Variants in UBAC2 observed in about 807,000 individuals in gnomAD.
UBAC2 encodes UBA domain containing 2, also known as ubiquitin-associated domain-containing protein 2.
Under a neutral mutation model 44.0 loss-of-function variants are expected in UBAC2, and 26 were observed. The ratio of observed to expected loss-of-function variants is 0.59; its 90% CI spans 0.43 to 0.82. The LOEUF is 0.82. Ranked by LOEUF, UBAC2 falls within the 40% of genes least tolerant of loss-of-function variation. The pLI, the probability that UBAC2 is intolerant of heterozygous loss-of-function variation, is 0.00. For synonymous variants in UBAC2, 155 were observed against 154.3 expected (o/e 1.00, Z -0.04); for missense variants, 329 against 419.4 (o/e 0.78, Z 1.88).
chr13:99,348,109 C>A (rs2045019971), intron 7 of UBAC2, among the ~76,000 whole-genome samples: 1 of 152,132 alleles, frequency 6.6e-6, no homozygotes, highest in African/African-American at 2.4e-5. Flanking sequence ...CTGCCAGGGC[C>A]ATTACATAAC....
At chr13:99,384,226 C>T (rs1711829506) in intron 8 of UBAC2, among the ~76,000 whole-genome samples, 1 of 152,146 alleles carries the variant, frequency 6.6e-6, no homozygotes, top group Non-Finnish European at 1.5e-5. Flanking sequence ...CAGGTGAACC[C>T]ACAAAAGCCT....
At chr13:99,322,012 C>T (rs965592651) in intron 6 of UBAC2, among the ~76,000 whole-genome samples, 3 of 152,198 alleles carry the variant, frequency 2.0e-5, no homozygotes, top group Non-Finnish European at 4.4e-5. Context: ...CCTCATTTGA[C>T]AGTTCTGATT....
intron 4 of UBAC2, among the ~76,000 whole-genome samples, chr13:99,269,105 G>C (rs561723947): frequency 2.6e-5 from 4 of 152,294 alleles, no homozygotes; most frequent in South Asian, 4.1e-4. Flanking sequence ...TCCCTTGGGA[G>C]CTGCTGAATT....
At chr13:99,211,330 C>G (rs892713705) in intron 1 of UBAC2, among the ~76,000 whole-genome samples, 1 of 152,166 alleles carries the variant, frequency 6.6e-6, no homozygotes, top group Non-Finnish European at 1.5e-5. Context: ...CCTGTACTTT[C>G]TACTGTATCA....
intron 4 of UBAC2, among the ~76,000 whole-genome samples, chr13:99,257,411 C>G (rs1566472508): frequency 6.6e-6 from 1 of 152,080 alleles, no homozygotes; most frequent in Non-Finnish European, 1.5e-5. Flanking sequence ...CATCAGGACT[C>G]CCTTCACCTA....
chr13:99,242,806 C>T (rs1475462727), intron 2 of UBAC2, among the ~76,000 whole-genome samples: 2 of 145,702 alleles, frequency 1.4e-5, no homozygotes, highest in Admixed American at 6.8e-5. Context: ...GGGTGGCTGC[C>T]GGGCGGAGGG....
intron 2 of UBAC2, among the ~76,000 whole-genome samples, chr13:99,240,241 C>T (rs1477556492): frequency 2.6e-5 from 4 of 152,166 alleles, no homozygotes; most frequent in Non-Finnish European, 4.4e-5. Context: ...AGCCAGTTAC[C>T]AGTCTTTAGG....
chr13:99,328,990 T>C (rs968886898), intron 6 of UBAC2, among the ~76,000 whole-genome samples: 3 of 152,252 alleles, frequency 2.0e-5, no homozygotes, highest in Non-Finnish European at 4.4e-5. Flanking sequence ...TATAATTCTT[T>C]TGAGGTAAAG....
At chr13:99,281,199 A>C (rs1332837460) in intron 4 of UBAC2, among the ~76,000 whole-genome samples, 2 of 150,160 alleles carry the variant, frequency 1.3e-5, no homozygotes, top group African/African-American at 5.0e-5. Context: ...AAAAAAAACA[A>C]AACAAAACAA....
intron 4 of UBAC2, among the ~76,000 whole-genome samples, chr13:99,252,725 T>A (rs2142757257): frequency 6.6e-6 from 1 of 152,356 alleles, no homozygotes; most frequent in African/African-American, 2.4e-5. Flanking sequence ...TATGTTTAAA[T>A]GTATTTGGTT....
At chr13:99,272,692 C>A (rs2043831529) in intron 4 of UBAC2, among the ~76,000 whole-genome samples, 1 of 152,122 alleles carries the variant, frequency 6.6e-6, no homozygotes, top group Non-Finnish European at 1.5e-5. Flanking sequence ...CCTCCTCTTA[C>A]AAGGGCACTA....
intron 7 of UBAC2, among the ~76,000 whole-genome samples, chr13:99,365,875 AATTCT>A (rs1485498379): frequency 2.0e-5 from 3 of 152,056 alleles, no homozygotes; most frequent in African/African-American, 4.8e-5. Flanking sequence ...CTTCTCTTGT[AATTCT>A]ATTAATTTTT....
At chr13:99,377,452 G>A (rs1266897754) in intron 8 of UBAC2, 1 of 152,234 alleles carries the variant, frequency 6.6e-6, no homozygotes, top group Non-Finnish European at 1.5e-5. Context: ...CTGGACTACA[G>A]AGACAGGAAG....
chr13:99,268,964 G>A (rs974706611), intron 4 of UBAC2, among the ~76,000 whole-genome samples: 1 of 152,158 alleles, frequency 6.6e-6, no homozygotes, highest in Admixed American at 6.5e-5. Flanking sequence ...GCTGCCCAGT[G>A]AAAGAGGAGT....
intron 4 of UBAC2, among the ~76,000 whole-genome samples, chr13:99,260,120 T>C (rs1221345288): frequency 6.6e-6 from 1 of 152,190 alleles, no homozygotes; most frequent in African/African-American, 2.4e-5. Context: ...GGCCTGCTGC[T>C]CTTTGTTCTT....
At chr13:99,314,352 T>C (rs992155497) in intron 5 of UBAC2, 132 bp downstream of exon 5, 26 of 1,048,002 alleles carry the variant, frequency 2.5e-5, no homozygotes, top group South Asian at 1.9e-5. Context: ...TCATGATCTA[T>C]ATCAAATGTT....
At chr13:99,379,604 A>T (rs982880756) in intron 8 of UBAC2, among the ~76,000 whole-genome samples, 5 of 152,230 alleles carry the variant, frequency 3.3e-5, no homozygotes, top group Non-Finnish European at 7.3e-5. Flanking sequence ...CATCCTCGGT[A>T]CATGATCAGG....
chr13:99,350,787 G>A (rs1459465816), intron 7 of UBAC2, among the ~76,000 whole-genome samples: 1 of 152,248 alleles, frequency 6.6e-6, no homozygotes, highest in Admixed American at 6.5e-5. Flanking sequence ...TAGGTCTGGC[G>A]ATTGCCATCT....
At chr13:99,271,688 A>C (rs950247359) in intron 4 of UBAC2, among the ~76,000 whole-genome samples, 2 of 152,100 alleles carry the variant, frequency 1.3e-5, no homozygotes, top group Non-Finnish European at 2.9e-5. Flanking sequence ...CAGGTTATCA[A>C]ATTCTCCCTC....
Sources: gnomAD v4.1 joint callset for allele counts (sites outside exome capture counted in the v4.1 genomes callset) on GRCh38, gnomAD v4.1.1 for gene constraint, MANE v1.5 for transcripts, NCBI Gene and HGNC (gene_info 2026-07-23, HGNC 2026-07-21) for gene names.